ZNF804B: variants seen among roughly 807,000 people sequenced by gnomAD.
ZNF804B encodes the protein zinc finger 804B.
ZNF804B carries 80 observed loss-of-function variants against 101.4 expected under a neutral mutation model. That is an observed-to-expected ratio of 0.79 (90% confidence interval 0.66 to 0.95). The LOEUF (loss-of-function observed/expected upper bound fraction) is 0.95, where lower values mean the gene tolerates loss of function less well. Among genes scored for constraint, ZNF804B ranks in the 40% least tolerant of loss-of-function variants. The pLI is 0.00. For synonymous variants in ZNF804B, 622 were observed against 558.8 expected, an observed-to-expected ratio of 1.11 and a Z score of -1.59; for missense variants, 1,673 against 1,561.9, an observed-to-expected ratio of 1.07 and a Z score of -1.20.
intron 1 of ZNF804B, among the ~76,000 whole-genome samples, chr7:88,981,639 G>T (rs1331732916): frequency 6.6e-6 from 1 of 151,978 alleles, no homozygotes; most frequent in Non-Finnish European, 1.5e-5. Flanking sequence ...ACAGTGGTGG[G>T]ACTAGCCAAA....
chr7:89,069,218 G>A (rs1028789739), intron 1 of ZNF804B, among the ~76,000 whole-genome samples: 1 of 152,196 alleles, frequency 6.6e-6, no homozygotes, highest in Non-Finnish European at 1.5e-5. Context: ...AAGATGGCAA[G>A]AGAAATCTCT....
intron 1 of ZNF804B, among the ~76,000 whole-genome samples, chr7:89,185,600 C>T (rs896545823): frequency 6.6e-6 from 1 of 152,156 alleles, no homozygotes; most frequent in African/African-American, 2.4e-5. Flanking sequence ...GTGGCTCATG[C>T]TTGTAATCCC....
At chr7:89,020,765 G>T (rs189723384) in intron 1 of ZNF804B, among the ~76,000 whole-genome samples, 2 of 151,906 alleles carry the variant, frequency 1.3e-5, no homozygotes, top group Non-Finnish European at 2.9e-5. Flanking sequence ...CTTTTATGTT[G>T]TATATTTTAA....
chr7:88,784,676 T>A (rs906744006), intron 1 of ZNF804B, among the ~76,000 whole-genome samples: 2 of 152,154 alleles, frequency 1.3e-5, no homozygotes, highest in African/African-American at 4.8e-5. Context: ...CACCAGACTC[T>A]CGCTCCTCAA....
rs549372449 is a variant in ZNF804B at position 89,068,314 on chromosome 7, G to A, written c.109-149841G>A. Among the ~76,000 whole-genome samples, 10 of 151,588 alleles carry A rather than the reference G, an allele frequency of 6.6e-5. No homozygotes were observed. The South Asian group carries it at 2.1e-3, about 32-fold the overall frequency. ...TGTCTAGAATATTTTATATATTACT[G>A]AAGCCTGATATCATTTTTAGTATAT... On this transcript the variant is annotated intron_variant, in intron 1 of 3. Coordinates refer to ENST00000333190, the MANE Select transcript of ZNF804B (RefSeq NM_181646.5).
intron 2 of ZNF804B, among the ~76,000 whole-genome samples, chr7:89,313,527 TC>T (rs1790675637): frequency 6.6e-6 from 1 of 152,194 alleles, no homozygotes. Context: ...ATATTACTAT[TC>T]CTAACACATA....
At chr7:88,900,849 A>G (rs1230438268) in intron 1 of ZNF804B, among the ~76,000 whole-genome samples, 1 of 151,722 alleles carries the variant, frequency 6.6e-6, no homozygotes, top group Non-Finnish European at 1.5e-5. Flanking sequence ...CACGGAAAAA[A>G]AAACATTATA....
intron 1 of ZNF804B, among the ~76,000 whole-genome samples, chr7:89,159,155 A>T (rs1403197052): frequency 6.6e-6 from 1 of 152,156 alleles, no homozygotes; most frequent in Non-Finnish European, 1.5e-5. Flanking sequence ...TGTACAAAAA[A>T]GTATCTTAAT....
At chr7:89,155,742 T>C (rs1790949843) in intron 1 of ZNF804B, among the ~76,000 whole-genome samples, 1 of 152,194 alleles carries the variant, frequency 6.6e-6, no homozygotes, top group South Asian at 2.1e-4. Flanking sequence ...AGTTGTTGTG[T>C]CTTTATATCA....
At chr7:88,887,937 G>A (rs1400280329) in intron 1 of ZNF804B, among the ~76,000 whole-genome samples, 1 of 151,940 alleles carries the variant, frequency 6.6e-6, no homozygotes, top group Non-Finnish European at 1.5e-5. Context: ...TCTGAGAATT[G>A]CTATTTCAAA....
chr7:89,089,456 T>G (rs1789851511), intron 1 of ZNF804B, among the ~76,000 whole-genome samples: 1 of 152,056 alleles, frequency 6.6e-6, no homozygotes, highest in East Asian at 1.9e-4. Context: ...CAGCAAATGT[T>G]GTCTTAACAA....
At chr7:89,221,619 G>A (rs929290842) in intron 2 of ZNF804B, among the ~76,000 whole-genome samples, 19 of 151,560 alleles carry the variant, frequency 1.3e-4, no homozygotes, top group African/African-American at 4.6e-4. Context: ...TAATCAATTT[G>A]TTTTTTTATC....
At chr7:89,294,242 TCTTTAAA>T (rs200884332) in intron 2 of ZNF804B, among the ~76,000 whole-genome samples, 2,903 of 152,298 alleles carry the variant, frequency 0.019, 76 homozygotes, top group African/African-American at 0.066. Flanking sequence ...AACCATAAAC[TCTTTAAA>T]CTTTAAACTT....
intron 1 of ZNF804B, among the ~76,000 whole-genome samples, chr7:88,783,991 A>C (rs1790265259): frequency 2.0e-5 from 3 of 152,182 alleles, no homozygotes; most frequent in Non-Finnish European, 2.9e-5. Flanking sequence ...TTACAGAGAT[A>C]AATGGTTCAT....
intron 1 of ZNF804B, among the ~76,000 whole-genome samples, chr7:88,982,635 A>G (rs1793708278): frequency 6.6e-6 from 1 of 152,098 alleles, no homozygotes; most frequent in East Asian, 1.9e-4. Flanking sequence ...GAGCCCACCC[A>G]TGAGACCTTA....
At chr7:89,307,504 C>T (rs1204785565) in intron 2 of ZNF804B, among the ~76,000 whole-genome samples, 6 of 151,826 alleles carry the variant, frequency 4.0e-5, no homozygotes, top group Admixed American at 2.6e-4. Context: ...GCTCTTCCCA[C>T]GTATTTATGA....
At chr7:89,007,588 A>G (rs1788389464) in intron 1 of ZNF804B, among the ~76,000 whole-genome samples, 1 of 127,746 alleles carries the variant, frequency 7.8e-6, no homozygotes, top group Admixed American at 8.5e-5. Context: ...ATATATATTT[A>G]TATATTATAA....
intron 1 of ZNF804B, among the ~76,000 whole-genome samples, chr7:88,970,347 C>T (rs1401766312): frequency 3.8e-5 from 1 of 26,260 alleles, no homozygotes; most frequent in Non-Finnish European, 8.5e-5. Context: ...TTCTGATGCC[C>T]CCCCCCCACC....
intron 1 of ZNF804B, among the ~76,000 whole-genome samples, chr7:88,896,532 A>AT (rs1241141758): frequency 6.6e-5 from 10 of 152,116 alleles, no homozygotes; most frequent in Non-Finnish European, 1.0e-4. Flanking sequence ...TTACATTTTT[A>AT]TTTTTTATTT....
Sources: gnomAD v4.1 joint callset for allele counts (sites outside exome capture counted in the v4.1 genomes callset) on GRCh38, gnomAD v4.1.1 for gene constraint, MANE v1.5 for transcripts, NCBI Gene and HGNC (gene_info 2026-07-23, HGNC 2026-07-21) for gene names.